The following SHROOM2 variants were observed in gnomAD, a reference collection of about 807,000 sequenced individuals.
The protein encoded by SHROOM2 is protein Shroom2.
In SHROOM2, 33 loss-of-function variants were observed where a neutral mutation model predicts 75.9. The observed-to-expected ratio is 0.43, with a 90% confidence interval of 0.33 to 0.58. The LOEUF (loss-of-function observed/expected upper bound fraction) is 0.58, where lower values mean the gene tolerates loss of function less well. Among genes scored for constraint, SHROOM2 ranks in the 20% least tolerant of loss-of-function variants. The pLI, the probability that SHROOM2 is intolerant of heterozygous loss-of-function variation, is 0.04. For synonymous variants in SHROOM2, 655 were observed against 663.6 expected (o/e 0.99, Z 0.20); for missense variants, 1,434 against 1,461.2 (o/e 0.98, Z 0.30).
intron 1 of SHROOM2, among the ~76,000 whole-genome samples, chrX:9,821,528 A>G (rs2083853187): frequency 9.0e-6 from 1 of 111,248 alleles, no homozygotes; most frequent in Non-Finnish European, 1.9e-5. Context: ...AGGTGGATTT[A>G]TTTCTTTTCT....
At position 9,895,587 on chromosome X, in the gene SHROOM2, AAGCCAGCCAGAGGCTGGC is replaced by A. The variant is rs947441825; in HGVS notation, c.1687_1704del (p.Gln563_Ser568del). On this transcript the variant is annotated inframe_deletion, in exon 4 of 10. Transcript: ENST00000380913. ...CCTCCCAGGGCCAGCCGTGCAGAAAAAGCCAGCCAGAGGCTGGCAGCCAGCATCACGTGGGCAGATGGG... is the reference window on the plus strand; with the variant it reads ...CCTCCCAGGGCCAGCCGTGCAGAAAAAGCCAGCATCACGTGGGCAGATGGG... 6.9e-6 allele frequency: 8 copies of A among 1,165,874 alleles called. No homozygotes were observed. The highest frequency in any genetic ancestry group is 1.8e-5 in the African/African-American group (1 of 56,065).
intron 1 of SHROOM2, among the ~76,000 whole-genome samples, chrX:9,803,224 G>A (rs2083733933): frequency 9.2e-6 from 1 of 109,176 alleles, no homozygotes; most frequent in African/African-American, 3.3e-5. Flanking sequence ...ACAGTTGGGA[G>A]CCACCACCCC....
intron 5 of SHROOM2, among the ~76,000 whole-genome samples, chrX:9,929,364 T>C (rs2084626106): frequency 8.9e-6 from 1 of 112,249 alleles, no homozygotes; most frequent in Non-Finnish European, 1.9e-5. Context: ...GCGCGCCCCG[T>C]GCTGCACTTC....
intron 1 of SHROOM2, among the ~76,000 whole-genome samples, chrX:9,862,395 G>A (rs1396664799): frequency 5.5e-5 from 6 of 109,896 alleles, no homozygotes; most frequent in African/African-American, 1.7e-4. Flanking sequence ...ACTAGGTAGT[G>A]GAGAAAGTCG....
chrX:9,862,546 C>T (rs1440451417), intron 1 of SHROOM2, among the ~76,000 whole-genome samples: 4 of 111,548 alleles, frequency 3.6e-5, no homozygotes, highest in Non-Finnish European at 7.5e-5. Flanking sequence ...GGGAAGCTGC[C>T]CGCCAGAGCA....
Position 9,809,229 on chromosome X carries a change from G to A in SHROOM2, c.165+22519G>A, listed in dbSNP as rs539284848. Among the ~76,000 whole-genome samples the A allele has an allele frequency of 3.8e-4, 42 of 111,209 alleles. 1 individual carries two copies. The South Asian group carries it at 0.012, about 31-fold the overall frequency. ...GCTGAGGAGCAAGGAGAGCCAGTCC[G>A]AGTCCCAAAACTGAAGAACCTGGAG... On this transcript the variant is annotated intron_variant, in intron 1 of 9. Coordinates refer to ENST00000380913, the MANE Select transcript of SHROOM2 (RefSeq NM_001649.4).
chrX:9,839,484 C>T (rs964085439), intron 1 of SHROOM2, among the ~76,000 whole-genome samples: 6 of 111,449 alleles, frequency 5.4e-5, no homozygotes, highest in African/African-American at 3.3e-5. Flanking sequence ...ACCACACACC[C>T]GAAACATCAC....
At chrX:9,932,033 G>A (rs1349695969) in intron 5 of SHROOM2, 142 bp from the exon 6 acceptor site, 4 of 452,834 alleles carry the variant, frequency 8.8e-6, no homozygotes, top group Middle Eastern at 5.5e-4. Context: ...GAGGAGTTGC[G>A]GTGGCGACAG....
chrX:9,883,267 C>T (rs752166972), intron 2 of SHROOM2, among the ~76,000 whole-genome samples: 1 of 112,053 alleles, frequency 8.9e-6, no homozygotes, highest in African/African-American at 3.2e-5. Context: ...GCCAGCGGAG[C>T]GATCCTTTGT....
chrX:9,823,196 CCTT>C (rs1196439687), intron 1 of SHROOM2, among the ~76,000 whole-genome samples: 30 of 35,559 alleles, frequency 8.4e-4, no homozygotes, highest in Admixed American at 1.4e-3. Flanking sequence ...TCCTCCTCCT[CCTT>C]CTCCTCTTCC....
At chrX:9,921,249 G>A (rs766146419) in intron 5 of SHROOM2, among the ~76,000 whole-genome samples, 78 of 112,019 alleles carry the variant, frequency 7.0e-4, no homozygotes, top group Middle Eastern at 4.6e-3. Flanking sequence ...GTGTGATCTG[G>A]TCTCAGAAGT....
chrX:9,869,089 T>C (rs1478715605), intron 1 of SHROOM2, among the ~76,000 whole-genome samples: 1 of 111,456 alleles, frequency 9.0e-6, no homozygotes, highest in Non-Finnish European at 1.9e-5. Context: ...CCCGAGTAGC[T>C]GGGATTACAG....
chrX:9,946,282 A>G (rs1460902404), intron 9 of SHROOM2, among the ~76,000 whole-genome samples: 2 of 113,005 alleles, frequency 1.8e-5, no homozygotes, highest in Non-Finnish European at 3.8e-5. Flanking sequence ...CGGTGTTCCC[A>G]TGGAGCGGAC....
intron 1 of SHROOM2, among the ~76,000 whole-genome samples, chrX:9,831,905 C>A (rs1180098176): frequency 9.0e-6 from 1 of 110,695 alleles, no homozygotes; most frequent in African/African-American, 3.3e-5. Flanking sequence ...AAGGCCCCAC[C>A]TCCTAACACC....
At chrX:9,808,226 G>GC (rs2083767271) in intron 1 of SHROOM2, among the ~76,000 whole-genome samples, 1 of 110,907 alleles carries the variant, frequency 9.0e-6, no homozygotes, top group Non-Finnish European at 1.9e-5. Flanking sequence ...GCTGAAGGAA[G>GC]CCTTCCTGCA....
At chrX:9,879,119 TG>T (rs972216282) in intron 2 of SHROOM2, among the ~76,000 whole-genome samples, 4 of 111,211 alleles carry the variant, frequency 3.6e-5, no homozygotes, top group Admixed American at 1.9e-4. Flanking sequence ...TGGAGTGCGG[TG>T]GCTACTGACA....
intron 1 of SHROOM2, among the ~76,000 whole-genome samples, chrX:9,822,374 A>T (rs2083857780): frequency 8.9e-6 from 1 of 111,923 alleles, no homozygotes; most frequent in Non-Finnish European, 1.9e-5. Context: ...GGAGCCATGG[A>T]AGACTTTTAA....
chrX:9,860,582 C>T (rs1315778458), intron 1 of SHROOM2, among the ~76,000 whole-genome samples: 1 of 111,349 alleles, frequency 9.0e-6, no homozygotes, highest in Non-Finnish European at 1.9e-5. Flanking sequence ...TGCCACCATG[C>T]CTGGCTAATT....
rs199608665 is a variant in SHROOM2 at position 9,946,744 on chromosome X, A to G, written c.4658A>G (p.Asp1553Gly). 1 of 1,204,780 alleles carries G rather than the reference A, an allele frequency of 8.3e-7. No homozygotes were observed. The highest frequency in any genetic ancestry group is 1.1e-6 in the Non-Finnish European group (1 of 891,728). The change falls in exon 10 of 10, where the codon GAC becomes GGC. Residue 1553 changes from aspartate (D) to glycine (G), a missense_variant. Physicochemically the swap from Asp to Gly is moderately conservative, Grantham distance 94. This residue lies in a region of SHROOM2 where 80 missense variants were observed against 88.4 expected (regional missense o/e 0.90). Transcript: ENST00000380913. ...EDAKELKENL[D>G]RRERIVFDIL... is the part of the protein sequence containing the mutation. ...GCCAAGGAGCTCAAGGAGAACCTGGACCGCCGCGAGCGCATCGTCTTTGAC... is the reference window on the plus strand; with the variant it reads ...GCCAAGGAGCTCAAGGAGAACCTGGGCCGCCGCGAGCGCATCGTCTTTGAC...
Sources: allele counts gnomAD v4.1 joint callset (sites outside exome capture counted in the v4.1 genomes callset), GRCh38; gene constraint gnomAD v4.1.1; regional missense constraint gnomAD v4.1.1; transcripts MANE v1.5; gene names NCBI Gene and HGNC (gene_info 2026-07-23, HGNC 2026-07-21).